The following SORCS2 variants were observed in gnomAD, a reference collection of about 807,000 sequenced individuals.
SORCS2 encodes the protein sortilin related VPS10 domain containing receptor 2.
A neutral mutation model predicts 141.6 loss-of-function variants in SORCS2; 100 were observed. The ratio of observed to expected loss-of-function variants is 0.71; its 90% CI spans 0.60 to 0.83. The LOEUF is 0.83. Among genes scored for constraint, SORCS2 ranks in the 40% least tolerant of loss-of-function variants. SORCS2 has a pLI of 0.00. For missense variants in SORCS2, 1,646 were observed against 1,560.2 expected, an observed-to-expected ratio of 1.05 and a Z score of -0.93; for synonymous variants, 789 against 676.9, an observed-to-expected ratio of 1.17 and a Z score of -2.57.
chr4:7,546,266 A>G (rs1713254447), intron 3 of SORCS2, among the ~76,000 whole-genome samples: 1 of 152,162 alleles, frequency 6.6e-6, no homozygotes. Context: ...TGGGTCACCC[A>G]GCAAAGCCAA....
intron 1 of SORCS2, among the ~76,000 whole-genome samples, chr4:7,238,090 A>G (rs915309991): frequency 3.8e-4 from 58 of 152,270 alleles, no homozygotes; most frequent in African/African-American, 1.4e-3. Flanking sequence ...AGAGGGAGAC[A>G]GCATTCTATT....
chr4:7,231,515 GTCCA>G (rs1033388524), intron 1 of SORCS2, among the ~76,000 whole-genome samples: 14 of 152,052 alleles, frequency 9.2e-5, no homozygotes, highest in African/African-American at 3.1e-4. Flanking sequence ...GTCTGCATCT[GTCCA>G]TCCATCCATC....
intron 1 of SORCS2, among the ~76,000 whole-genome samples, chr4:7,370,503 C>A (rs1396299175): frequency 6.6e-6 from 1 of 152,256 alleles, no homozygotes; most frequent in South Asian, 2.1e-4. Flanking sequence ...ATTAACAACT[C>A]AACTAAGACT....
chr4:7,342,208 G>A (rs543504872), intron 1 of SORCS2, among the ~76,000 whole-genome samples: 1 of 151,826 alleles, frequency 6.6e-6, no homozygotes, highest in Non-Finnish European at 1.5e-5. Context: ...GGAACAAGGG[G>A]CTGCAGCTCC....
At chr4:7,709,983 T>TA (rs1725718960) in intron 14 of SORCS2, among the ~76,000 whole-genome samples, 1 of 152,186 alleles carries the variant, frequency 6.6e-6, no homozygotes, top group African/African-American at 2.4e-5. Flanking sequence ...CGGCACCTCT[T>TA]TCCTAAGACC....
At chr4:7,424,322 G>A (rs1301450616) in intron 2 of SORCS2, among the ~76,000 whole-genome samples, 5 of 152,226 alleles carry the variant, frequency 3.3e-5, no homozygotes, top group Admixed American at 3.3e-4. Context: ...ATGGCAGGCA[G>A]TGGCAGGCAG....
chr4:7,216,424 C>G (rs1728354756), intron 1 of SORCS2, among the ~76,000 whole-genome samples: 1 of 152,212 alleles, frequency 6.6e-6, no homozygotes, highest in African/African-American at 2.4e-5. Flanking sequence ...TAACAAACTG[C>G]ACAAACTCAG....
At chr4:7,367,575 G>A (rs115419649) in intron 1 of SORCS2, among the ~76,000 whole-genome samples, 19 of 152,314 alleles carry the variant, frequency 1.2e-4, no homozygotes, top group East Asian at 1.2e-3. Context: ...CCAGGGTGCC[G>A]GCTCTTCTCG....
chr4:7,504,099 T>A (rs558805031), intron 2 of SORCS2, among the ~76,000 whole-genome samples: 34 of 152,288 alleles, frequency 2.2e-4, no homozygotes, highest in Non-Finnish European at 4.3e-4. Flanking sequence ...GCAGCCTGGG[T>A]GCCAGGGGTA....
chr4:7,511,705 G>T (rs1481652051), intron 2 of SORCS2, among the ~76,000 whole-genome samples: 4 of 152,152 alleles, frequency 2.6e-5, no homozygotes, highest in African/African-American at 9.7e-5. Flanking sequence ...GAAGGCTGCT[G>T]CAGCTTGTTT....
chr4:7,636,275 G>A (rs188091735), intron 3 of SORCS2, among the ~76,000 whole-genome samples: 3 of 152,294 alleles, frequency 2.0e-5, no homozygotes, highest in Middle Eastern at 3.4e-3. Context: ...TGAGAACCAC[G>A]TCCGGTACAG....
intron 1 of SORCS2, among the ~76,000 whole-genome samples, chr4:7,296,596 C>T (rs1019911965): frequency 1.2e-4 from 19 of 152,228 alleles, no homozygotes. Flanking sequence ...GGGGTGGCTA[C>T]AAGCATGGAC....
intron 12 of SORCS2, among the ~76,000 whole-genome samples, chr4:7,697,545 C>T (rs549227575): frequency 2.0e-5 from 3 of 152,346 alleles, no homozygotes; most frequent in South Asian, 4.1e-4. Flanking sequence ...ATGCAAGAAA[C>T]GTCTCCACAC....
intron 23 of SORCS2, among the ~76,000 whole-genome samples, chr4:7,731,605 G>C (rs1307353047): frequency 6.6e-6 from 1 of 152,132 alleles, no homozygotes; most frequent in Non-Finnish European, 1.5e-5. Flanking sequence ...CACAGTACTG[G>C]CATAAAAACA....
chr4:7,528,117 G>C (rs977791252), intron 2 of SORCS2, among the ~76,000 whole-genome samples: 3 of 30,186 alleles, frequency 9.9e-5, no homozygotes, highest in Non-Finnish European at 2.1e-4. Context: ...CAGTGTCCAC[G>C]CTGCCCATGG....
chr4:7,489,417 C>T (rs1053803195), intron 2 of SORCS2, among the ~76,000 whole-genome samples: 1 of 152,018 alleles, frequency 6.6e-6, no homozygotes, highest in Non-Finnish European at 1.5e-5. Flanking sequence ...TGCTTGAGTT[C>T]TCAGTCGTTG....
chr4:7,309,180 G>C (rs1286904487), intron 1 of SORCS2, among the ~76,000 whole-genome samples: 2 of 152,164 alleles, frequency 1.3e-5, no homozygotes, highest in Non-Finnish European at 2.9e-5. Flanking sequence ...CACCTCCCGT[G>C]CTGCAGGTGT....
chr4:7,206,151 G>A (rs1327889557), intron 1 of SORCS2, among the ~76,000 whole-genome samples: 1 of 152,204 alleles, frequency 6.6e-6, no homozygotes, highest in Admixed American at 6.5e-5. Context: ...CCATGGGAAT[G>A]ATGCATCCCT....
At chr4:7,598,132 C>T (rs1232335847) in intron 3 of SORCS2, among the ~76,000 whole-genome samples, 1 of 152,074 alleles carries the variant, frequency 6.6e-6, no homozygotes, top group Non-Finnish European at 1.5e-5. Flanking sequence ...CCCTGCCCGG[C>T]TAATTTTTGT....
Sources: gnomAD v4.1 joint callset for allele counts (sites outside exome capture counted in the v4.1 genomes callset) on GRCh38, gnomAD v4.1.1 for gene constraint, MANE v1.5 for transcripts, NCBI Gene and HGNC (gene_info 2026-07-23, HGNC 2026-07-21) for gene names.